Variants in PLAGL1 observed in about 807,000 individuals in gnomAD.
PLAGL1 encodes the protein PLAG1 like zinc finger 1, also known as zinc finger protein PLAGL1.
Under a neutral mutation model 4.6 loss-of-function variants are expected in PLAGL1, and 1 was observed. That is an observed-to-expected ratio of 0.22 (90% CI 0.08 to 1.03). The LOEUF (loss-of-function observed/expected upper bound fraction) is 1.03. Among genes scored for constraint, PLAGL1 ranks in the 50% least tolerant of loss-of-function variants. PLAGL1 has a pLI of 0.58. For synonymous variants in PLAGL1, 240 were observed against 237.8 expected, an observed-to-expected ratio of 1.01 and a Z score of -0.08; for missense variants, 464 against 570.4, an observed-to-expected ratio of 0.81 and a Z score of 1.90.
chr6:144,030,123 C>T (rs1178714756), intron 1 of PLAGL1, among the ~76,000 whole-genome samples: 1 of 151,710 alleles, frequency 6.6e-6, no homozygotes, highest in East Asian at 1.9e-4. Context: ...GGCGTGGTGG[C>T]AGGCGCCTGT....
intron 1 of PLAGL1, among the ~76,000 whole-genome samples, chr6:144,045,451 T>C (rs1308716446): frequency 6.6e-6 from 1 of 152,182 alleles, no homozygotes; most frequent in Non-Finnish European, 1.5e-5. Flanking sequence ...TGAAGAAGCT[T>C]AGTTTGGCTG....
In PLAGL1 at chr6:143,990,681, TTGAGATAGTAAAAAC is replaced by T. The variant is rs1409989687; in HGVS notation, c.-583-5522_-583-5508del. On this transcript the variant is annotated intron_variant, in intron 1 of 7. Coordinates refer to ENST00000674357, the MANE Select transcript of PLAGL1 (RefSeq NM_001317162.2). This position sits in a 1 kb window ranked among gnomAD's most constrained non-coding sequence, Gnocchi z 5.4. ...CTGAGGCTCAAGAGAGATTACTAGG[TTGAGATAGTAAAAAC>T]GTACCTTCCCTTCAAGATATGCAAG... Among the ~76,000 whole-genome samples, 1 of 152,188 alleles carries T rather than the reference TTGAGATAGTAAAAAC, an allele frequency of 6.6e-6. No homozygotes were observed. Among genetic ancestry groups the T allele is most frequent in the African/African-American group, 2.4e-5 (1 of 41,442 alleles).
chr6:144,062,984 C>T (rs1364279986), intron 1 of PLAGL1, among the ~76,000 whole-genome samples: 1 of 152,078 alleles, frequency 6.6e-6, no homozygotes, highest in Admixed American at 6.5e-5. Context: ...TTTTTCAAAC[C>T]ATCCTCCACC....
chr6:143,966,294 G>C lies in PLAGL1; in HGVS notation c.-471-96C>G, dbSNP rs1481181674. 1 of 152,182 alleles carries C rather than the reference G, an allele frequency of 6.6e-6. No individual in the cohort carries two copies. Among genetic ancestry groups the C allele is most frequent in the East Asian group, 1.9e-4 (1 of 5,204 alleles). 9.4% of individuals were successfully genotyped at this position (152,182 alleles called of 1,614,324 possible). ...TGTGTTATAGAAAGAAACTGAGAGA[G>C]CAGACATACAGATTATCCTCCTGGA... On this transcript the variant is annotated intron_variant, in intron 3 of 7. Coordinates refer to ENST00000674357, the MANE Select transcript of PLAGL1 (RefSeq NM_001317162.2). The surrounding 1 kb of genome is among the most constrained non-coding windows in gnomAD (Gnocchi z 6.0).
At chr6:144,031,345 T>C (rs1796816475) in intron 1 of PLAGL1, among the ~76,000 whole-genome samples, 1 of 152,234 alleles carries the variant, frequency 6.6e-6, no homozygotes, top group Non-Finnish European at 1.5e-5. Flanking sequence ...TGGAAGCTTT[T>C]TAGTTTAATT....
At chr6:144,029,112 A>G (rs1445310443) in intron 1 of PLAGL1, among the ~76,000 whole-genome samples, 1 of 152,208 alleles carries the variant, frequency 6.6e-6, no homozygotes, top group African/African-American at 2.4e-5. Context: ...TTATGTAGCT[A>G]TATCACAAGT....
intron 7 of PLAGL1, among the ~76,000 whole-genome samples, chr6:143,943,987 A>C (rs1042235789): frequency 6.6e-6 from 1 of 152,220 alleles, no homozygotes; most frequent in Non-Finnish European, 1.5e-5. Context: ...TAAAATGCAG[A>C]GCATTACATG....
At chr6:144,054,540 C>G (rs1270343630) in intron 1 of PLAGL1, among the ~76,000 whole-genome samples, 1 of 152,124 alleles carries the variant, frequency 6.6e-6, no homozygotes, top group Non-Finnish European at 1.5e-5. Flanking sequence ...TAAGTGGGAG[C>G]TGAACAATAA....
chr6:143,981,153 G>C lies in PLAGL1; in HGVS notation c.-544+3982C>G, dbSNP rs117325478. Among the ~76,000 whole-genome samples, 780 of 148,620 alleles carry C rather than the reference G, an allele frequency of 5.2e-3. 3 individuals carry two copies. Among genetic ancestry groups the C allele is most frequent in the Non-Finnish European group, 5.7e-3 (386 of 67,670 alleles). On this transcript the variant is annotated intron_variant, in intron 2 of 7. Coordinates refer to ENST00000674357, the MANE Select transcript of PLAGL1 (RefSeq NM_001317162.2). The stretch of plus-strand genomic sequence containing the variant: ...AGATTTTTTAGGCAGGATCAGATTA[G>C]ACTAGTCTAGGGCTAATTTTGCCTC...
chr6:144,057,672 C>A (rs1799075350), intron 1 of PLAGL1, among the ~76,000 whole-genome samples: 2 of 152,182 alleles, frequency 1.3e-5, no homozygotes. Flanking sequence ...GTCTCTAGCT[C>A]CTCTCCCTAA....
At position 144,061,835 on chromosome 6, in the gene PLAGL1, C is replaced by T. The variant is rs1799434703; in HGVS notation, c.-151+2633G>A. On this transcript the variant is annotated intron_variant, in intron 1 of 3. Coordinates refer to the PLAGL1 transcript ENST00000437412. This position sits in a 1 kb window ranked among gnomAD's most constrained non-coding sequence, Gnocchi z 4.4. ...TTTTTTAATTCCTCTTACGATTTTC[C>T]TTTTGTGCACTTCTCCTCTGTTGTC... is the stretch of plus-strand genomic sequence containing the variant. Among the ~76,000 whole-genome samples, 1 of 152,040 alleles carries T rather than the reference C, an allele frequency of 6.6e-6. No homozygotes were observed. The highest frequency in any genetic ancestry group is 6.6e-5 in the Admixed American group (1 of 15,264).
At chr6:144,019,869 C>A (rs1795847665) in intron 1 of PLAGL1, among the ~76,000 whole-genome samples, 1 of 151,652 alleles carries the variant, frequency 6.6e-6, no homozygotes, top group Non-Finnish European at 1.5e-5. Flanking sequence ...CTGGTAGGAA[C>A]TGCTGGAACA....
At chr6:143,996,732 GAC>G (rs1192350424) in intron 1 of PLAGL1, among the ~76,000 whole-genome samples, 2 of 148,452 alleles carry the variant, frequency 1.3e-5, no homozygotes, top group African/African-American at 5.0e-5. Flanking sequence ...TTCAAAAACA[GAC>G]ACACATACTC....
intron 2 of PLAGL1, among the ~76,000 whole-genome samples, chr6:143,977,022 T>TA (rs1786702205): frequency 6.6e-6 from 1 of 152,164 alleles, no homozygotes; most frequent in Non-Finnish European, 1.5e-5. Flanking sequence ...GGCTACTTTT[T>TA]AGAGAAGTTT....
intron 1 of PLAGL1, among the ~76,000 whole-genome samples, chr6:144,047,277 A>C (rs775824233): frequency 7.2e-5 from 11 of 152,198 alleles, no homozygotes; most frequent in Non-Finnish European, 1.2e-4. Flanking sequence ...TGTCTTCTGC[A>C]TCGATCACAC....
Position 143,943,057 on chromosome 6 carries a change from A to G in PLAGL1, c.153-394T>C, listed in dbSNP as rs1402197389. On this transcript the variant is annotated intron_variant, in intron 7 of 7. Coordinates refer to ENST00000674357, the MANE Select transcript of PLAGL1 (RefSeq NM_001317162.2). ...TTTTTTTTTTTTTTTTTTTGAGACAAGGTCTCACTATACCCACGCTGGTCT... is the reference window on the plus strand; with the variant it reads ...TTTTTTTTTTTTTTTTTTTGAGACAGGGTCTCACTATACCCACGCTGGTCT... 3.8e-4 allele frequency among the ~76,000 whole-genome samples: 3 copies of G among 7,818 alleles called. No homozygotes were observed. The Admixed American group carries it at 6.3e-3, about 16-fold the overall frequency. 5.1% of individuals were successfully genotyped at this position (7,818 alleles called of 152,430 possible).
chr6:143,977,091 C>A (rs6900939), intron 2 of PLAGL1, among the ~76,000 whole-genome samples: 10 of 148,886 alleles, frequency 6.7e-5, no homozygotes, highest in African/African-American at 9.8e-5. Flanking sequence ...CTTCCCCCCC[C>A]CCAACACACT....
Position 143,954,476 on chromosome 6 carries a change from G to GTC in PLAGL1, c.-325+5992_-325+5993insGA, listed in dbSNP as rs1324993801. Among the ~76,000 whole-genome samples, 8 of 152,274 alleles carry GTC rather than the reference G, an allele frequency of 5.3e-5. No homozygotes were observed. Among genetic ancestry groups the GTC allele is most frequent in the Non-Finnish European group, 7.4e-5 (5 of 68,014 alleles). On this transcript the variant is annotated intron_variant, in intron 6 of 7. Transcript: ENST00000674357. This position sits in a 1 kb window ranked among gnomAD's most constrained non-coding sequence, Gnocchi z 5.1. ...GGCATTTGAGTCAAACTTGCAAGGG[G>GTC]AACACTTGAGAACCCAGAGAGCATC...
chr6:144,054,782 T>A (rs966248358), intron 1 of PLAGL1, among the ~76,000 whole-genome samples: 161 of 64,352 alleles, frequency 2.5e-3, no homozygotes, highest in African/African-American at 0.011. Flanking sequence ...AAAGAGTGTG[T>A]GTGTGTGTGT....
Sources: allele counts gnomAD v4.1 joint callset (sites outside exome capture counted in the v4.1 genomes callset), GRCh38; gene constraint gnomAD v4.1.1; non-coding constraint Gnocchi (gnomAD v3.1); transcripts MANE v1.5; gene names NCBI Gene and HGNC (gene_info 2026-07-23, HGNC 2026-07-21).